Variants in INSR observed in about 807,000 individuals in gnomAD.
INSR encodes the protein IR.
Under a neutral mutation model 142.6 loss-of-function variants are expected in INSR, and 67 were observed. The observed-to-expected ratio is 0.47, with a 90% CI of 0.39 to 0.58. The LOEUF is 0.58. Ranked by LOEUF, INSR falls within the 20% of genes least tolerant of loss-of-function variation. The pLI, the probability that INSR is intolerant of heterozygous loss-of-function variation, is 0.00. For synonymous variants in INSR, 756 were observed against 743.1 expected, an observed-to-expected ratio of 1.02 and a Z score of -0.28; for missense variants, 1,248 against 1,833.2, an observed-to-expected ratio of 0.68 and a Z score of 5.83.
At chr19:7,240,972 G>T (rs1976321301) in intron 2 of INSR, among the ~76,000 whole-genome samples, 1 of 152,070 alleles carries the variant, frequency 6.6e-6, no homozygotes, top group South Asian at 2.1e-4. Flanking sequence ...TTGAATAAGG[G>T]ATACTGAACC....
chr19:7,150,382 G>T lies in INSR; in HGVS notation c.2267+115C>A. The T allele has an allele frequency of 4.6e-6, 4 of 878,140 alleles. No individual in the cohort carries two copies. The highest frequency in any genetic ancestry group is 3.7e-6 in the Non-Finnish European group (2 of 534,612). The allele number at this position is 878,140 out of a possible 1,614,324, so 54.4% of individuals were successfully genotyped here. A position where few individuals can be genotyped will look rare whatever the true frequency, so the allele number is the denominator to read the frequency against. ...GGTGAAGCATCTGCTCTCCAGCACA[G>T]CTGCCCGCCGCATGCAAAAAGCCAC... is the stretch of plus-strand genomic sequence containing the variant. On this transcript the variant is annotated intron_variant, in intron 11 of 21. Coordinates refer to ENST00000302850, the MANE Select transcript of INSR (RefSeq NM_000208.4). This position sits in a 1 kb window ranked among gnomAD's most constrained non-coding sequence, Gnocchi z 4.2.
chr19:7,137,970 T>C (rs1437266576), intron 13 of INSR, among the ~76,000 whole-genome samples: 1 of 147,268 alleles, frequency 6.8e-6, no homozygotes, highest in African/African-American at 2.5e-5. Context: ...CTTTTTCTTT[T>C]TTTTTTTTTT....
chr19:7,140,752 ATAAAAT>A (rs1374061577), intron 13 of INSR, among the ~76,000 whole-genome samples: 2 of 151,482 alleles, frequency 1.3e-5, no homozygotes, highest in Non-Finnish European at 2.9e-5. Flanking sequence ...TACGAAAAAA[ATAAAAT>A]TAGAATTAAC....
intron 10 of INSR, among the ~76,000 whole-genome samples, chr19:7,151,609 A>T (rs1973363172): frequency 6.6e-6 from 1 of 151,906 alleles, no homozygotes; most frequent in African/African-American, 2.4e-5. Flanking sequence ...TAACAGGTGA[A>T]ACAGTAACCA....
At chr19:7,201,540 G>A (rs920217425) in intron 2 of INSR, among the ~76,000 whole-genome samples, 16 of 151,694 alleles carry the variant, frequency 1.1e-4, no homozygotes, top group African/African-American at 2.7e-4. Context: ...CAGGAGAATC[G>A]CTTGAACCCT....
intron 13 of INSR, among the ~76,000 whole-genome samples, chr19:7,136,804 T>C (rs116678829): frequency 0.014 from 1,944 of 138,778 alleles, 70 homozygotes; most frequent in African/African-American, 0.05. Context: ...AAAAAAGTGA[T>C]GTAAAACTTT....
In INSR at chr19:7,114,293, G is replaced by A. The variant is rs1018118778; in HGVS notation, c.*2763C>T. 5.3e-5 allele frequency: 8 copies of A among 152,240 alleles called. No individual in the cohort carries two copies. Among genetic ancestry groups the A allele is most frequent in the African/African-American group, 1.2e-4 (5 of 41,444 alleles). The allele number at this position is 152,240 out of a possible 1,614,324, so 9.4% of individuals were successfully genotyped here. A position where few individuals can be genotyped will look rare whatever the true frequency, so the allele number is the denominator to read the frequency against. On this transcript the variant is annotated 3_prime_UTR_variant, in exon 22 of 22. Coordinates refer to ENST00000302850, the MANE Select transcript of INSR (RefSeq NM_000208.4). ...GAATGCTTGCTCTGAATCAAAGCCC[G>A]TCTTTGCCCCGGCAGCCATCTCTCA...
At position 7,164,087 on chromosome 19, in the gene INSR, TC is replaced by T. The variant is rs1298954039; in HGVS notation, c.1862-889del. Among the ~76,000 whole-genome samples the T allele has an allele frequency of 3.4e-5, 3 of 88,122 alleles. No individual in the cohort carries two copies. The East Asian group carries it at 1.0e-3, about 30-fold the overall frequency. The allele number at this position is 88,122 out of a possible 152,430, so 57.8% of individuals were successfully genotyped here. A position where few individuals can be genotyped will look rare whatever the true frequency, so the allele number is the denominator to read the frequency against. On this transcript the variant is annotated intron_variant, in intron 8 of 21. Transcript: ENST00000302850. ...CCAGCCTGAGAGACAAGAGTGAAAC[TC>T]CGTTAAAAAAAAAAAAAAAAAAAAA... is the stretch of plus-strand genomic sequence containing the variant.
chr19:7,124,333 C>T (rs1251900698), intron 17 of INSR, among the ~76,000 whole-genome samples: 1 of 141,924 alleles, frequency 7.0e-6, no homozygotes, highest in South Asian at 2.2e-4. Context: ...CATGCCACTG[C>T]ACTCCAGCCT....
At chr19:7,121,589 C>T (rs1258433803) in intron 19 of INSR, among the ~76,000 whole-genome samples, 1 of 152,124 alleles carries the variant, frequency 6.6e-6, no homozygotes, top group African/African-American at 2.4e-5. Flanking sequence ...ACCCCAGCCT[C>T]CTGAGTAGCT....
chr19:7,118,823 G>A (rs1221479914), intron 21 of INSR, among the ~76,000 whole-genome samples: 3 of 144,718 alleles, frequency 2.1e-5, no homozygotes, highest in African/African-American at 5.1e-5. Flanking sequence ...GCTGAGGCAA[G>A]AGAATGGTGT....
At chr19:7,224,687 C>G (rs1352024333) in intron 2 of INSR, among the ~76,000 whole-genome samples, 1 of 152,182 alleles carries the variant, frequency 6.6e-6, no homozygotes, top group Non-Finnish European at 1.5e-5. Context: ...AGATGTGCGT[C>G]CCGAGGAAAT....
chr19:7,271,820 G>A (rs528354808), intron 1 of INSR, among the ~76,000 whole-genome samples: 2 of 151,306 alleles, frequency 1.3e-5, no homozygotes, highest in African/African-American at 4.9e-5. Flanking sequence ...GACCAACCTG[G>A]GCAACATAGC....
At chr19:7,279,232 G>A (rs1968142375) in intron 1 of INSR, among the ~76,000 whole-genome samples, 1 of 151,972 alleles carries the variant, frequency 6.6e-6, no homozygotes, top group Admixed American at 6.6e-5. Flanking sequence ...GGCTGACGCA[G>A]GAGGATCACT....
Position 7,270,888 on chromosome 19 carries a change from G to A in INSR, c.101-2992C>T, listed in dbSNP as rs143171071. The stretch of plus-strand genomic sequence containing the variant: ...ATCCTGGTTAACACGGTGAAACTCC[G>A]TCTCTACTAAAAAATACAAAAAAAT... On this transcript the variant is annotated intron_variant, in intron 1 of 21. Coordinates refer to ENST00000302850, the MANE Select transcript of INSR (RefSeq NM_000208.4). Among the ~76,000 whole-genome samples the A allele has an allele frequency of 8.1e-3, 1,226 of 151,964 alleles. 70 individuals are homozygous for A. Among genetic ancestry groups the A allele is most frequent in the Admixed American group, 0.074 (1,124 of 15,220 alleles).
intron 2 of INSR, among the ~76,000 whole-genome samples, chr19:7,245,201 G>T (rs1335490536): frequency 1.3e-5 from 2 of 152,078 alleles, no homozygotes; most frequent in Non-Finnish European, 2.9e-5. Flanking sequence ...CTCCCCAAGT[G>T]CTGGGATTAC....
chr19:7,143,172 G>A, intron 11 of INSR, 82 bp from the exon 12 acceptor site: 2 of 1,489,726 alleles, frequency 1.3e-6, no homozygotes, highest in Non-Finnish European at 1.9e-6. Flanking sequence ...TAAAAGGCTT[G>A]ATTAAGAAGA....
chr19:7,234,155 C>T (rs553068610), intron 2 of INSR, among the ~76,000 whole-genome samples: 10 of 152,160 alleles, frequency 6.6e-5, no homozygotes, highest in South Asian at 2.1e-4. Flanking sequence ...ATGATCCGCC[C>T]ACCTCAGGCT....
intron 9 of INSR, among the ~76,000 whole-genome samples, chr19:7,161,953 G>A (rs1344858668): frequency 5.3e-5 from 8 of 151,888 alleles, no homozygotes; most frequent in Non-Finnish European, 1.0e-4. Flanking sequence ...GAGGCTGAGG[G>A]GGGTGAATTG....
Sources: gnomAD v4.1 joint callset for allele counts (sites outside exome capture counted in the v4.1 genomes callset) on GRCh38, gnomAD v4.1.1 for gene constraint, Gnocchi (gnomAD v3.1) non-coding constraint, MANE v1.5 for transcripts, NCBI Gene and HGNC (gene_info 2026-07-23, HGNC 2026-07-21) for gene names.